Variants in RHPN1 observed in about 807,000 individuals in gnomAD.
RHPN1 encodes rhophilin Rho GTPase binding protein 1.
Under a neutral mutation model 74.7 loss-of-function variants are expected in RHPN1, and 77 were observed. The observed-to-expected ratio is 1.03, with a 90% CI of 0.86 to 1.25. The LOEUF (loss-of-function observed/expected upper bound fraction) is 1.25, where lower values mean the gene tolerates loss of function less well. RHPN1 is among the 50% of genes most tolerant of loss of function. RHPN1 has a pLI of 0.00. For synonymous variants in RHPN1, 444 were observed against 414.5 expected (o/e 1.07, Z -0.87); for missense variants, 987 against 932.2 (o/e 1.06, Z -0.77).
chr8:143,378,486 G>A, intron 5 of RHPN1, 140 bp downstream of exon 5: 3 of 995,194 alleles, frequency 3.0e-6, no homozygotes, highest in Non-Finnish European at 4.5e-6. Context: ...CAGGGGCCCT[G>A]TGTGTCCAGA....
At chr8:143,365,420 C>T (rs1240874709), upstream of RHPN1, among the ~76,000 whole-genome samples, 1 of 152,236 alleles carries the variant, frequency 6.6e-6, no homozygotes, top group East Asian at 1.9e-4. Context: ...CTCCTCCTGG[C>T]TGCCTCTCTG....
chr8:143,371,426 C>T (rs1299852017), intron 1 of RHPN1, among the ~76,000 whole-genome samples: 1 of 151,924 alleles, frequency 6.6e-6, no homozygotes, highest in East Asian at 1.9e-4. Flanking sequence ...AGCTGGTTTG[C>T]TCCAGGTGGG....
rs557157112 is a variant in RHPN1 at position 143,376,908 on chromosome 8, G to C, written c.305+255G>C. The stretch of plus-strand genomic sequence containing the variant: ...TGTGTGCATGCGTCTGTGTGCGCGT[G>C]TGTCTGTGTGTCTGCATGTGTCTGT... On this transcript the variant is annotated intron_variant, in intron 3 of 14. Coordinates refer to ENST00000289013, the MANE Select transcript of RHPN1 (RefSeq NM_052924.3). Among the ~76,000 whole-genome samples the C allele has an allele frequency of 1.5e-3, 204 of 132,478 alleles. 2 individuals are homozygous for C. Among genetic ancestry groups the C allele is most frequent in the African/African-American group, 6.6e-3 (193 of 29,130 alleles). The allele number at this position is 132,478 out of a possible 152,430, so 86.9% of individuals were successfully genotyped here.
Position 143,378,356 on chromosome 8 carries a change from T to TCGGGGGGGGGGGGCCCCCCCCC in RHPN1, c.459+11_459+12insGGGGGGGGGGGGCCCCCCCCCC. ...GGAGGCCCTGCGGCAGGTGTGTGGT[T>TCGGGGGGGGGGGGCCCCCCCCC]CCCCCGCCCACCCACCCTCCTGCAG... On this transcript the variant is annotated intron_variant, in intron 5 of 14. Transcript: ENST00000289013. 6.6e-7 allele frequency: 1 copy of TCGGGGGGGGGGGGCCCCCCCCC among 1,525,436 alleles called. No homozygotes were observed. Among genetic ancestry groups the TCGGGGGGGGGGGGCCCCCCCCC allele is most frequent in the Non-Finnish European group, 8.8e-7 (1 of 1,136,346 alleles). 94.5% of individuals were successfully genotyped at this position (1,525,436 alleles called of 1,614,324 possible).
chr8:143,370,618 G>A (rs71520512), intron 1 of RHPN1, among the ~76,000 whole-genome samples: 10,841 of 152,318 alleles, frequency 0.071, 487 homozygotes, highest in Non-Finnish European at 0.099. Context: ...TCCAGCAAGC[G>A]CTTACCTGGT....
chr8:143,372,554 C>T (rs1333048392), intron 1 of RHPN1, among the ~76,000 whole-genome samples: 1 of 152,024 alleles, frequency 6.6e-6, no homozygotes, highest in African/African-American at 2.4e-5. Flanking sequence ...GGTCCTGGGC[C>T]GGCACACCCT....
At chr8:143,370,951 C>G (rs541699300) in intron 1 of RHPN1, among the ~76,000 whole-genome samples, 3 of 152,194 alleles carry the variant, frequency 2.0e-5, no homozygotes, top group Non-Finnish European at 4.4e-5. Context: ...CTGTGCCCCC[C>G]TCACCTGGTC....
chr8:143,368,880 A>G lies in RHPN1; in HGVS notation c.-108A>G, dbSNP rs1475723616. 7.9e-6 allele frequency: 6 copies of G among 756,498 alleles called. No homozygotes were observed. The highest frequency in any genetic ancestry group is 4.5e-5 in the Admixed American group (1 of 22,106). 46.9% of individuals were successfully genotyped at this position (756,498 alleles called of 1,614,324 possible). A position where few individuals can be genotyped will look rare whatever the true frequency, so the allele number is the denominator to read the frequency against. On this transcript the variant is annotated 5_prime_UTR_variant, in exon 1 of 15. Coordinates refer to ENST00000289013, the MANE Select transcript of RHPN1 (RefSeq NM_052924.3). ...CAGTCGGGGACCGGCGCGGGCACTC[A>G]GGAGCCCGCGGCCCAGGTGGTGCGG... is the stretch of plus-strand genomic sequence containing the variant.
chr8:143,376,173 G>A (rs955211902), intron 2 of RHPN1, among the ~76,000 whole-genome samples: 2 of 152,250 alleles, frequency 1.3e-5, no homozygotes, highest in Non-Finnish European at 2.9e-5. Context: ...CCTGATGCAG[G>A]CACAGAGAGG....
At chr8:143,369,261 A>G (rs1817671233) in intron 1 of RHPN1, among the ~76,000 whole-genome samples, 1 of 152,142 alleles carries the variant, frequency 6.6e-6, no homozygotes, top group Non-Finnish European at 1.5e-5. Context: ...GCGGACAGCC[A>G]AAGTCTGGAT....
upstream of RHPN1, chr8:143,367,198 G>GA (rs530287445): frequency 1.7e-4 from 25 of 148,516 alleles, no homozygotes; most frequent in East Asian, 1.6e-3. Flanking sequence ...CCAGGAGAAA[G>GA]AAAAAAAAAA....
rs992777084 is a variant in RHPN1, at chr8:143,368,879, C to G, written c.-109C>G. 1.1e-4 allele frequency: 83 copies of G among 764,082 alleles called. No homozygotes were observed. In the African/African-American group the frequency reaches 1.5e-3, roughly 14 times the overall value. 47.3% of individuals were successfully genotyped at this position (764,082 alleles called of 1,614,324 possible). ...ACAGTCGGGGACCGGCGCGGGCACT[C>G]AGGAGCCCGCGGCCCAGGTGGTGCG... is the stretch of plus-strand genomic sequence containing the variant. On this transcript the variant is annotated 5_prime_UTR_variant, in exon 1 of 15. Coordinates refer to ENST00000289013, the MANE Select transcript of RHPN1 (RefSeq NM_052924.3).
At chr8:143,371,495 G>A (rs1006753455) in intron 1 of RHPN1, among the ~76,000 whole-genome samples, 1 of 152,116 alleles carries the variant, frequency 6.6e-6, no homozygotes, top group African/African-American at 2.4e-5. Flanking sequence ...GAGAGTGGAG[G>A]TCTGGCCCTG....
Position 143,369,041 on chromosome 8 carries a change from G to A in RHPN1, c.54G>A (p.Arg18=). ...DGAGAGEESP[R]LQGCDSLTQI... The stretch of plus-strand genomic sequence containing the variant: ...CGGGCGCCGGCGAGGAGAGCCCGCG[G>A]CTGCAGGTGCGCAGAACTGGCGCGG... Residue 18 remains arginine (R), a synonymous_variant, in exon 1 of 15, where the codon CGG becomes CGA. Transcript: ENST00000289013. The A allele has an allele frequency of 6.7e-7, 1 of 1,494,142 alleles. No homozygotes were observed. The allele number at this position is 1,494,142 out of a possible 1,614,324, so 92.6% of individuals were successfully genotyped here. A position where few individuals can be genotyped will look rare whatever the true frequency, so the allele number is the denominator to read the frequency against.
chr8:143,382,084 C>G (rs6982270), intron 14 of RHPN1, 116 bp downstream of exon 14: 943,287 of 1,080,010 alleles, frequency 0.87, 418,879 homozygotes, highest in East Asian at 0.92. Context: ...TGCAGGTAAC[C>G]CTCCCTGGGC....
At chr8:143,372,532 G>C (rs1241472335) in intron 1 of RHPN1, among the ~76,000 whole-genome samples, 1 of 152,076 alleles carries the variant, frequency 6.6e-6, no homozygotes, top group Non-Finnish European at 1.5e-5. Context: ...GGGCTGGGCT[G>C]GGGGAGGCCA....
intron 3 of RHPN1, among the ~76,000 whole-genome samples, chr8:143,377,014 C>T (rs954900925): frequency 6.8e-6 from 1 of 147,130 alleles, no homozygotes; most frequent in African/African-American, 2.6e-5. Context: ...GTGTGTTTGC[C>T]TCTATGTGTG....
chr8:143,376,472 G>A (rs996638517), intron 2 of RHPN1, 53 bp from the exon 3 acceptor site: 1 of 1,599,850 alleles, frequency 6.3e-7, no homozygotes, highest in Admixed American at 1.7e-5. Context: ...GTGGGCACGG[G>A]GCCTTTGGCT....
chr8:143,371,313 C>T (rs1015378333), intron 1 of RHPN1, among the ~76,000 whole-genome samples: 1 of 152,122 alleles, frequency 6.6e-6, no homozygotes, highest in African/African-American at 2.4e-5. Flanking sequence ...GCTTCCAGTT[C>T]TTGCATTCAG....
Sources: allele counts gnomAD v4.1 joint callset (sites outside exome capture counted in the v4.1 genomes callset), GRCh38; gene constraint gnomAD v4.1.1; transcripts MANE v1.5; gene names NCBI Gene and HGNC (gene_info 2026-07-23, HGNC 2026-07-21).